SULF2: variants seen among roughly 807,000 people sequenced by gnomAD.
The protein encoded by SULF2 is sulfatase 2.
SULF2 carries 52 observed loss-of-function variants against 107.7 expected under a neutral mutation model. The ratio of observed to expected loss-of-function variants is 0.48; its 90% confidence interval spans 0.39 to 0.61. The LOEUF (loss-of-function observed/expected upper bound fraction) is 0.61. Among genes scored for constraint, SULF2 ranks in the 20% least tolerant of loss-of-function variants. SULF2 has a pLI of 0.00. For missense variants in SULF2, 993 were observed against 1,177.3 expected (o/e 0.84, Z 2.29); for synonymous variants, 460 against 464.3 (o/e 0.99, Z 0.12).
chr20:47,749,962 T>C lies in SULF2; in HGVS notation c.175+7227A>G, dbSNP rs567783417. 1.4e-4 allele frequency among the ~76,000 whole-genome samples: 21 copies of C among 152,274 alleles called. No individual in the cohort carries two copies. In the East Asian group the frequency reaches 3.7e-3, roughly 27 times the overall value. On this transcript the variant is annotated intron_variant, in intron 2 of 20. Coordinates refer to ENST00000688720, the MANE Select transcript of SULF2 (RefSeq NM_001387048.1). Reference sequence around the variant, plus strand: ...TCACAGGCACCTGCAACTTCCCAGGTCCAGAACTGAGCTTTATTTATTGAT... The same window carrying C: ...TCACAGGCACCTGCAACTTCCCAGGCCCAGAACTGAGCTTTATTTATTGAT...
chr20:47,705,156 G>A (rs1001790170), intron 3 of SULF2, among the ~76,000 whole-genome samples: 1 of 152,202 alleles, frequency 6.6e-6, no homozygotes, highest in African/African-American at 2.4e-5. Flanking sequence ...GGAGGTGACC[G>A]CTCCAGAGGG....
intron 3 of SULF2, among the ~76,000 whole-genome samples, chr20:47,728,072 G>C (rs2089492930): frequency 6.6e-6 from 1 of 152,170 alleles, no homozygotes. Flanking sequence ...GCTGCAGAGA[G>C]ACAGGAAGGC....
rs1457307909 is a variant in SULF2, at chr20:47,680,158, G to A, written c.1065-1354C>T. Among the ~76,000 whole-genome samples the A allele has an allele frequency of 6.6e-6, 1 of 152,200 alleles. No homozygotes were observed. Among genetic ancestry groups the A allele is most frequent in the Non-Finnish European group, 1.5e-5 (1 of 68,044 alleles). ...CTTGCTCTGTCACCCAGGATGCAGT[G>A]TGGTGGCATGATCCTGGCTCACTGC... On this transcript the variant is annotated intron_variant, in intron 7 of 20. Coordinates refer to ENST00000688720, the MANE Select transcript of SULF2 (RefSeq NM_001387048.1). This position sits in a 1 kb window ranked among gnomAD's most constrained non-coding sequence, Gnocchi z 4.2.
At chr20:47,693,721 G>C (rs2088280431) in intron 4 of SULF2, among the ~76,000 whole-genome samples, 1 of 152,236 alleles carries the variant, frequency 6.6e-6, no homozygotes, top group African/African-American at 2.4e-5. Context: ...AAAGGTATGT[G>C]TGGGTAGAAG....
At chr20:47,697,052 C>T (rs999562336) in intron 4 of SULF2, among the ~76,000 whole-genome samples, 4 of 152,110 alleles carry the variant, frequency 2.6e-5, no homozygotes, top group African/African-American at 9.7e-5. Context: ...TCTGCCAGGT[C>T]GCCCCCACAC....
chr20:47,760,632 C>G (rs1323554842), intron 1 of SULF2, among the ~76,000 whole-genome samples: 1 of 152,200 alleles, frequency 6.6e-6, no homozygotes, highest in Non-Finnish European at 1.5e-5. Context: ...ATTCAGGGAC[C>G]TGTATCCTAT....
chr20:47,658,457 C>A (rs377722639), intron 20 of SULF2, 65 bp from the exon 21 acceptor site: 5 of 1,522,084 alleles, frequency 3.3e-6, no homozygotes, highest in African/African-American at 1.4e-5. Context: ...ACTTCCTAAT[C>A]GGTCCTATAG....
intron 2 of SULF2, among the ~76,000 whole-genome samples, chr20:47,747,016 TATAC>T (rs1347301448): frequency 0.18 from 14,253 of 78,288 alleles, 837 homozygotes; most frequent in African/African-American, 0.24. Flanking sequence ...TATATATATA[TATAC>T]ACACACACAC....
chr20:47,767,133 G>C (rs187483045), intron 1 of SULF2, among the ~76,000 whole-genome samples: 1 of 152,298 alleles, frequency 6.6e-6, no homozygotes, highest in East Asian at 1.9e-4. Flanking sequence ...TCACTTACTA[G>C]AGGTTGGGCA....
intron 17 of SULF2, 152 bp from the exon 18 acceptor site, chr20:47,662,048 G>A (rs887146483): frequency 4.1e-5 from 31 of 760,894 alleles, no homozygotes; most frequent in Non-Finnish European, 4.8e-5. Flanking sequence ...AAGAGCCAGC[G>A]TTTGGAAGAG....
At position 47,727,285 on chromosome 20, in the gene SULF2, C is replaced by T. The variant is rs78631798; in HGVS notation, c.415+9418G>A. ...CACTGATTCAGAGAGGAGCAGGCCA[C>T]GGGAAGAGAGGGACCCACAGGGAGG... On this transcript the variant is annotated intron_variant, in intron 3 of 20. Transcript: ENST00000688720. Among the ~76,000 whole-genome samples the T allele has an allele frequency of 3.7e-3, 568 of 152,118 alleles. 6 individuals are homozygous for T. Among genetic ancestry groups the T allele is most frequent in the African/African-American group, 0.013 (527 of 41,476 alleles).
At chr20:47,714,126 C>T (rs944375342) in intron 3 of SULF2, among the ~76,000 whole-genome samples, 2 of 152,252 alleles carry the variant, frequency 1.3e-5, no homozygotes, top group African/African-American at 4.8e-5. Flanking sequence ...CTTCCCAAAA[C>T]AGACCCGCGC....
intron 3 of SULF2, among the ~76,000 whole-genome samples, chr20:47,708,319 G>A (rs2088815215): frequency 6.6e-6 from 1 of 152,170 alleles, no homozygotes; most frequent in South Asian, 2.1e-4. Context: ...CAGGTACAAA[G>A]TCCCTGAAGC....
At chr20:47,682,099 G>A (rs568906120) in intron 7 of SULF2, among the ~76,000 whole-genome samples, 6 of 151,980 alleles carry the variant, frequency 3.9e-5, no homozygotes, top group African/African-American at 9.7e-5. Context: ...AGCCAAAGAC[G>A]GGCGTGATCT....
chr20:47,775,725 G>GAACAAGC (rs2090713019), intron 1 of SULF2, among the ~76,000 whole-genome samples: 2 of 152,230 alleles, frequency 1.3e-5, no homozygotes, highest in Non-Finnish European at 2.9e-5. Context: ...AGGACCTCCT[G>GAACAAGC]TTCTAGTGAG....
intron 2 of SULF2, among the ~76,000 whole-genome samples, chr20:47,741,743 C>T (rs1034392677): frequency 3.9e-5 from 6 of 152,296 alleles, no homozygotes; most frequent in South Asian, 2.1e-4. Context: ...CAGCCTCTCT[C>T]GGTCTCCAGA....
At chr20:47,714,934 C>T (rs141363457) in intron 3 of SULF2, among the ~76,000 whole-genome samples, 19 of 152,170 alleles carry the variant, frequency 1.2e-4, no homozygotes, top group Non-Finnish European at 2.2e-4. Flanking sequence ...TAATTTTTTT[C>T]CAATACAGGG....
upstream of SULF2, chr20:47,786,332 T>A (rs966036936): frequency 6.6e-6 from 1 of 151,650 alleles, no homozygotes; most frequent in South Asian, 2.1e-4. Flanking sequence ...CCGCGGGGAG[T>A]GCGACAGCCC....
At chr20:47,661,177 T>C (rs1185198655) in intron 18 of SULF2, among the ~76,000 whole-genome samples, 5 of 152,100 alleles carry the variant, frequency 3.3e-5, no homozygotes, top group African/African-American at 9.7e-5. Context: ...GCCTCAGTTG[T>C]GTTGGCTGCA....
Sources: allele counts gnomAD v4.1 joint callset (sites outside exome capture counted in the v4.1 genomes callset), GRCh38; gene constraint gnomAD v4.1.1; non-coding constraint Gnocchi (gnomAD v3.1); transcripts MANE v1.5; gene names NCBI Gene and HGNC (gene_info 2026-07-23, HGNC 2026-07-21).